The following LY6S variants were observed in gnomAD, a reference collection of about 807,000 sequenced individuals.
The protein encoded by LY6S is lymphocyte antigen 6S.
At chr8:143,072,550 G>A in the LY6S span, among the ~76,000 whole-genome samples, 1 of 138,702 alleles carries the variant, frequency 7.2e-6, no homozygotes, top group Non-Finnish European at 1.6e-5. Context: ...CGTCGTCCTC[G>A]TGGTCCCTGT....
the LY6S span, among the ~76,000 whole-genome samples, chr8:143,069,548 A>G: frequency 1.3e-5 from 2 of 152,188 alleles, no homozygotes; most frequent in Non-Finnish European, 2.9e-5. Flanking sequence ...CAGCCCGGCC[A>G]TAGTTGCGAT....
the LY6S span, chr8:143,044,028 TG>T: frequency 2.4e-6 from 1 of 422,130 alleles, no homozygotes; most frequent in East Asian, 7.1e-5. Flanking sequence ...TGGGGACAGA[TG>T]CAGCTCCGAG....
At chr8:143,057,865 CG>C in the LY6S span, 2 of 680,050 alleles carry the variant, frequency 2.9e-6, no homozygotes, top group Non-Finnish European at 5.4e-6. Context: ...GGGCCTGTGT[CG>C]GGTGCCATAT....
At chr8:143,054,662 G>A in the LY6S span, among the ~76,000 whole-genome samples, 4 of 152,104 alleles carry the variant, frequency 2.6e-5, no homozygotes, top group African/African-American at 9.7e-5. Context: ...CTAACTCCAC[G>A]CTTACAGCTC....
chr8:143,066,821 G>T, the LY6S span, among the ~76,000 whole-genome samples: 3 of 152,176 alleles, frequency 2.0e-5, no homozygotes, highest in Non-Finnish European at 4.4e-5. Flanking sequence ...AAGACTTTGG[G>T]GAACTACTGA....
At chr8:143,073,981 G>C in the LY6S span, among the ~76,000 whole-genome samples, 1 of 151,260 alleles carries the variant, frequency 6.6e-6, no homozygotes, top group Admixed American at 6.6e-5. Context: ...CGTCCCCGGG[G>C]TCCCTGTTTG....
At chr8:143,075,852 ACTT>A in the LY6S span, among the ~76,000 whole-genome samples, 6 of 152,190 alleles carry the variant, frequency 3.9e-5, no homozygotes, top group Non-Finnish European at 8.8e-5. This position sits in a 1 kb window ranked among gnomAD's most constrained non-coding sequence, Gnocchi z 4.1. Flanking sequence ...TTCCAATATG[ACTT>A]CTTCTTTAAC....
At chr8:143,057,470 G>A in the LY6S span, 9 of 629,962 alleles carry the variant, frequency 1.4e-5, no homozygotes, top group African/African-American at 9.1e-5. Flanking sequence ...GGCTGGTTTC[G>A]AACTCCTGAC....
At chr8:143,043,363 G>A in the LY6S span, 1 of 772,450 alleles carries the variant, frequency 1.3e-6, no homozygotes, top group Non-Finnish European at 1.8e-6. Flanking sequence ...GGTGGGGGAT[G>A]AGCAGGGCCC....
the LY6S span, chr8:143,042,992 C>T: frequency 7.3e-7 from 1 of 1,367,394 alleles, no homozygotes; most frequent in Admixed American, 1.9e-5. Flanking sequence ...CACATCCTTC[C>T]CCTGATCTCA....
chr8:143,048,382 G>T, the LY6S span, among the ~76,000 whole-genome samples: 1 of 151,956 alleles, frequency 6.6e-6, no homozygotes, highest in Non-Finnish European at 1.5e-5. Flanking sequence ...GACACAGCCC[G>T]TTTGCTGTCC....
At chr8:143,061,714 T>G in the LY6S span, among the ~76,000 whole-genome samples, 33,366 of 151,898 alleles carry the variant, frequency 0.22, 5,216 homozygotes, top group African/African-American at 0.43. Flanking sequence ...CCAGCTAATT[T>G]TGTATATTTA....
the LY6S span, among the ~76,000 whole-genome samples, chr8:143,048,138 C>A: frequency 6.6e-6 from 1 of 152,320 alleles, no homozygotes; most frequent in East Asian, 1.9e-4. Flanking sequence ...CAGCGGGTAC[C>A]GTGGCAGTGC....
At chr8:143,071,883 G>A in the LY6S span, among the ~76,000 whole-genome samples, 1 of 151,996 alleles carries the variant, frequency 6.6e-6, no homozygotes, top group Non-Finnish European at 1.5e-5. Context: ...GAGGGAGTCT[G>A]GTGGTTCTTC....
At chr8:143,068,046 G>A in the LY6S span, among the ~76,000 whole-genome samples, 5 of 152,274 alleles carry the variant, frequency 3.3e-5, no homozygotes, top group East Asian at 7.7e-4. Flanking sequence ...CACGGGTGTT[G>A]GGCTGGGGGA....
the LY6S span, among the ~76,000 whole-genome samples, chr8:143,071,898 G>C: frequency 1.3e-5 from 2 of 152,154 alleles, no homozygotes; most frequent in African/African-American, 4.8e-5. Flanking sequence ...TTCTTCAGAA[G>C]AGGGTGTGCT....
chr8:143,046,804 G>A, the LY6S span, among the ~76,000 whole-genome samples: 101,448 of 151,122 alleles, frequency 0.67, 34,171 homozygotes, highest in East Asian at 0.74. Flanking sequence ...GTTCGAGATC[G>A]GCCTGGTCAA....
the LY6S span, among the ~76,000 whole-genome samples, chr8:143,048,337 G>C: frequency 6.6e-6 from 1 of 152,154 alleles, no homozygotes; most frequent in African/African-American, 2.4e-5. Flanking sequence ...GGGCTGTTTC[G>C]CTGCTTGGTT....
At chr8:143,068,105 G>GGGCTGTCTCAGTA in the LY6S span, among the ~76,000 whole-genome samples, 1 of 152,272 alleles carries the variant, frequency 6.6e-6, no homozygotes, top group East Asian at 1.9e-4. Flanking sequence ...CTGTCTCAGT[G>GGGCTGTCTCAGTA]GGGGGAAACC....
Sources: gnomAD v4.1 joint callset for allele counts (sites outside exome capture counted in the v4.1 genomes callset) on GRCh38, gnomAD v4.1.1 for gene constraint, Gnocchi (gnomAD v3.1) non-coding constraint, MANE v1.5 for transcripts, NCBI Gene and HGNC (gene_info 2026-07-23, HGNC 2026-07-21) for gene names.